Variants in KPNA3 observed in about 807,000 individuals in gnomAD.
KPNA3 encodes importin subunit alpha-4.
A neutral mutation model predicts 73.8 loss-of-function variants in KPNA3; 13 were observed. The ratio of observed to expected loss-of-function variants is 0.18; its 90% CI spans 0.11 to 0.28. KPNA3 has a LOEUF of 0.28. KPNA3 is among the 10% of genes least tolerant of loss of function. The pLI is 1.00. For synonymous variants in KPNA3, 186 were observed against 206.9 expected (o/e 0.90, Z 0.87); for missense variants, 360 against 618.1 (o/e 0.58, Z 4.43).
intron 10 of KPNA3, among the ~76,000 whole-genome samples, chr13:49,712,438 A>G (rs903703106): frequency 3.3e-5 from 5 of 151,488 alleles, no homozygotes; most frequent in Admixed American, 6.6e-5. Flanking sequence ...TAGAAGGGGG[A>G]AAAAAAAATA....
intron 1 of KPNA3, among the ~76,000 whole-genome samples, chr13:49,785,617 C>G (rs549636154): frequency 2.0e-5 from 3 of 152,124 alleles, no homozygotes; most frequent in Admixed American, 2.0e-4. Context: ...AAACAGTCTA[C>G]AGATAAAAGA....
intron 1 of KPNA3, among the ~76,000 whole-genome samples, chr13:49,764,829 G>C (rs1438635464): frequency 6.7e-6 from 1 of 149,202 alleles, no homozygotes; most frequent in Non-Finnish European, 1.5e-5. Context: ...CAAAATTTTT[G>C]AAAAAGTAGT....
chr13:49,744,234 AG>A (rs970644115), intron 2 of KPNA3, among the ~76,000 whole-genome samples: 77 of 150,332 alleles, frequency 5.1e-4, no homozygotes, highest in Admixed American at 3.7e-3. Flanking sequence ...AAAGAAAAAA[AG>A]TTTAAAGTGT....
intron 1 of KPNA3, among the ~76,000 whole-genome samples, chr13:49,749,302 C>T (rs945429198): frequency 1.1e-4 from 16 of 152,110 alleles, no homozygotes; most frequent in Non-Finnish European, 2.2e-4. Context: ...GTAAGTGCTT[C>T]GAATATGAAC....
intron 2 of KPNA3, among the ~76,000 whole-genome samples, chr13:49,733,282 G>GTTT (rs760449062): frequency 0.019 from 1,934 of 100,814 alleles, 77 homozygotes; most frequent in African/African-American, 0.054. Context: ...CCACTGTGGT[G>GTTT]TTTTTTTTTT....
In KPNA3 at chr13:49,784,679, T is replaced by C. The variant is rs79725534; in HGVS notation, c.69+7759A>G. On this transcript the variant is annotated intron_variant, in intron 1 of 16. Transcript: ENST00000261667. ...GTCATAATAAAAAGCTTGGAGTTGA[T>C]TTGGGAAGCAGTAGGAAAAGGCACT... Among the ~76,000 whole-genome samples, 1,182 of 152,270 alleles carry C rather than the reference T, an allele frequency of 7.8e-3. 15 individuals are homozygous for C. The highest frequency in any genetic ancestry group is 0.027 in the African/African-American group (1,118 of 41,548).
chr13:49,744,463 T>A (rs991313383), intron 2 of KPNA3, among the ~76,000 whole-genome samples: 12 of 152,230 alleles, frequency 7.9e-5, no homozygotes, highest in Non-Finnish European at 1.8e-4. Flanking sequence ...GATTGATGAT[T>A]AATAGATAAT....
At position 49,704,445 on chromosome 13, in the gene KPNA3, AT is replaced by A. The variant is rs1398179139; in HGVS notation, c.1372+1175del. ...AAATAAATAAATAAAAAATAAATAAATAAATAAATAAATAAATAAATAAATA... is the reference window on the plus strand; with the variant it reads ...AAATAAATAAATAAAAAATAAATAAAAAATAAATAAATAAATAAATAAATA... On this transcript the variant is annotated intron_variant, in intron 15 of 16. Transcript: ENST00000261667. Among the ~76,000 whole-genome samples the A allele has an allele frequency of 2.5e-4, 11 of 44,724 alleles. No individual in the cohort carries two copies. In the South Asian group the frequency reaches 3.4e-3, roughly 14 times the overall value. 29.3% of individuals were successfully genotyped at this position (44,724 alleles called of 152,430 possible).
At chr13:49,708,431 G>A (rs959296212) in intron 12 of KPNA3, among the ~76,000 whole-genome samples, 2 of 152,228 alleles carry the variant, frequency 1.3e-5, no homozygotes, top group African/African-American at 2.4e-5. Context: ...TGGTGGGAAT[G>A]TAAAACAGTG....
intron 6 of KPNA3, among the ~76,000 whole-genome samples, chr13:49,730,830 G>C (rs979648683): frequency 2.1e-5 from 3 of 142,440 alleles, no homozygotes; most frequent in Admixed American, 7.7e-5. Flanking sequence ...AGGCTGGAGT[G>C]CAGTGGTGCG....
At chr13:49,792,297 G>C (rs925088732) in intron 1 of KPNA3, 141 bp downstream of exon 1, 247 of 311,786 alleles carry the variant, frequency 7.9e-4, no homozygotes, top group Admixed American at 2.1e-3. Context: ...CGCCCAGCCC[G>C]GGGCCGCGGT....
At chr13:49,750,203 A>G (rs190326567) in intron 1 of KPNA3, among the ~76,000 whole-genome samples, 49 of 152,304 alleles carry the variant, frequency 3.2e-4, no homozygotes, top group African/African-American at 1.1e-3. Context: ...TGTGTATCAA[A>G]TCTGGCAGGC....
chr13:49,706,012 C>T, intron 14 of KPNA3, 86 bp downstream of exon 14: 1 of 1,248,582 alleles, frequency 8.0e-7, no homozygotes, highest in Non-Finnish European at 1.1e-6. Flanking sequence ...AAAAAGAACA[C>T]AATACAGTCA....
Position 49,706,277 on chromosome 13 carries a change from C to G in KPNA3, c.1128G>C (p.Gln376His). ...TCATAATATGACCAACCTTAGCAAG[C>G]TGATGAATTATCATAGGAATTAATC... ...DAGLIPMIIH[Q>H]LAKGDFGTQK... is the part of the protein sequence containing the mutation. The change falls in exon 13 of 17, where the codon CAG becomes CAC. Residue 376 changes from glutamine (Q) to histidine (H), a missense_variant. By Grantham distance (24) the Gln-to-His change is conservative. Transcript: ENST00000261667. 6.2e-7 allele frequency: 1 copy of G among 1,613,578 alleles called. No individual in the cohort carries two copies. The highest frequency in any genetic ancestry group is 1.7e-5 in the Admixed American group (1 of 59,988).
intron 1 of KPNA3, among the ~76,000 whole-genome samples, chr13:49,753,026 C>CAAAAAAAAA (rs71078888): frequency 6.1e-5 from 5 of 82,206 alleles, no homozygotes; most frequent in Non-Finnish European, 9.0e-5. Context: ...GACTCTGTCT[C>CAAAAAAAAA]AAAAAAAAAA....
intron 2 of KPNA3, among the ~76,000 whole-genome samples, chr13:49,738,673 T>C (rs1029626867): frequency 6.6e-6 from 1 of 152,266 alleles, no homozygotes; most frequent in East Asian, 1.9e-4. Flanking sequence ...TAAATGCGAC[T>C]GATTTCTTTA....
intron 2 of KPNA3, among the ~76,000 whole-genome samples, chr13:49,739,778 T>C (rs1954556472): frequency 1.3e-5 from 2 of 152,190 alleles, no homozygotes; most frequent in South Asian, 4.1e-4. Flanking sequence ...GGAGGTGAGC[T>C]TGTGCCAGAA....
At chr13:49,781,985 C>T (rs1176520586) in intron 1 of KPNA3, among the ~76,000 whole-genome samples, 4 of 152,080 alleles carry the variant, frequency 2.6e-5, no homozygotes, top group South Asian at 2.1e-4. Context: ...CAGGAATTAA[C>T]GGATGGTTAC....
At chr13:49,742,364 C>T (rs1954581630) in intron 2 of KPNA3, among the ~76,000 whole-genome samples, 2 of 140,712 alleles carry the variant, frequency 1.4e-5, no homozygotes, top group South Asian at 4.3e-4. Context: ...TGTAGTAGGA[C>T]CAAAAATGAA....
Sources: allele counts gnomAD v4.1 joint callset (sites outside exome capture counted in the v4.1 genomes callset), GRCh38; gene constraint gnomAD v4.1.1; transcripts MANE v1.5; gene names NCBI Gene and HGNC (gene_info 2026-07-23, HGNC 2026-07-21).